MYRFL: variants seen among roughly 807,000 people sequenced by gnomAD.
MYRFL encodes myelin regulatory factor-like protein.
Under a neutral mutation model 109.4 loss-of-function variants are expected in MYRFL, and 88 were observed. That is an observed-to-expected ratio of 0.80 (90% CI 0.68 to 0.96). The LOEUF (loss-of-function observed/expected upper bound fraction) is 0.96, where lower values mean the gene tolerates loss of function less well. MYRFL is among the 40% of genes least tolerant of loss of function. The pLI, the probability that MYRFL is intolerant of heterozygous loss-of-function variation, is 0.00. For missense variants in MYRFL, 957 were observed against 954.9 expected (o/e 1.00, Z -0.03); for synonymous variants, 324 against 320.9 (o/e 1.01, Z -0.10).
chr12:69,862,453 G>A (rs966223654), intron 2 of MYRFL, among the ~76,000 whole-genome samples: 2 of 151,848 alleles, frequency 1.3e-5, no homozygotes, highest in Non-Finnish European at 2.9e-5. Flanking sequence ...TCTCCTTGAA[G>A]AGGTCCTTCA....
intron 5 of MYRFL, among the ~76,000 whole-genome samples, chr12:69,883,903 GC>G (rs1886288088): frequency 6.6e-6 from 1 of 151,908 alleles, no homozygotes; most frequent in Non-Finnish European, 1.5e-5. Context: ...GGCCAGCCCA[GC>G]ATACAAGAGT....
chr12:69,924,164 G>A (rs1192944889), intron 13 of MYRFL, among the ~76,000 whole-genome samples: 2 of 144,366 alleles, frequency 1.4e-5, no homozygotes, highest in Admixed American at 1.4e-4. Context: ...ACTCCAGCCT[G>A]GGTGACACAG....
At position 69,907,684 on chromosome 12, in the gene MYRFL, C is replaced by G. The variant is rs1005227722; in HGVS notation, c.1384-2285C>G. On this transcript the variant is annotated intron_variant, in intron 11 of 24. Coordinates refer to ENST00000552032, the MANE Select transcript of MYRFL (RefSeq NM_182530.3). ...TTCGTTCTTTTATTCCTTCTTTTTT[C>G]CATCAAAAATTTTAGGTGCCTATTA... is the stretch of plus-strand genomic sequence containing the variant. Among the ~76,000 whole-genome samples the G allele has an allele frequency of 2.0e-5, 3 of 152,198 alleles. No homozygotes were observed. In the South Asian group the frequency reaches 6.2e-4, roughly 32 times the overall value.
At chr12:69,912,549 A>G (rs1189860196) in intron 13 of MYRFL, among the ~76,000 whole-genome samples, 1 of 152,218 alleles carries the variant, frequency 6.6e-6, no homozygotes, top group East Asian at 1.9e-4. Context: ...AAGCAGAATC[A>G]TAGAGCATTT....
intron 5 of MYRFL, among the ~76,000 whole-genome samples, chr12:69,881,717 G>A (rs1322368558): frequency 6.6e-6 from 1 of 152,150 alleles, no homozygotes; most frequent in Non-Finnish European, 1.5e-5. Flanking sequence ...TCCTTTCTTT[G>A]TATATGCATC....
intron 13 of MYRFL, among the ~76,000 whole-genome samples, chr12:69,919,657 T>G (rs1954845459): frequency 1.3e-5 from 2 of 152,278 alleles, no homozygotes; most frequent in South Asian, 2.1e-4. Context: ...AATAAACTCC[T>G]GGACAAAAAT....
chr12:69,934,631 T>C (rs978697839), intron 16 of MYRFL, among the ~76,000 whole-genome samples: 104 of 152,148 alleles, frequency 6.8e-4, no homozygotes, highest in Non-Finnish European at 2.6e-4. Context: ...GAGAATTTTA[T>C]TGAGCAAAGA....
At chr12:69,853,908 G>A (rs1253565285) in intron 1 of MYRFL, among the ~76,000 whole-genome samples, 3 of 152,040 alleles carry the variant, frequency 2.0e-5, no homozygotes, top group Admixed American at 1.3e-4. Context: ...GACGATGGGC[G>A]GCCAGGCAGA....
At chr12:69,873,353 T>G (rs1042652741) in intron 2 of MYRFL, among the ~76,000 whole-genome samples, 2 of 152,092 alleles carry the variant, frequency 1.3e-5, no homozygotes, top group African/African-American at 4.8e-5. Context: ...GGGTGGCGGG[T>G]TGGACAAGCT....
In MYRFL at chr12:69,880,298, C is replaced by A. The variant is rs985640283; in HGVS notation, c.556+6C>A. 1.4e-6 allele frequency: 1 copy of A among 702,284 alleles called. No individual in the cohort carries two copies. The highest frequency in any genetic ancestry group is 2.7e-5 in the East Asian group (1 of 37,268). 43.5% of individuals were successfully genotyped at this position (702,284 alleles called of 1,614,324 possible). ...GGCCTGCCACTGCAGACCGAGTGAG[C>A]AAACCTGGGTGGGAACAAGGGCGAT... is the stretch of plus-strand genomic sequence containing the variant. On this transcript the variant is annotated splice_donor_region_variant and intron_variant, in intron 5 of 24. Coordinates refer to ENST00000552032, the MANE Select transcript of MYRFL (RefSeq NM_182530.3).
At chr12:69,872,600 A>C (rs1413629424) in intron 2 of MYRFL, among the ~76,000 whole-genome samples, 3 of 152,054 alleles carry the variant, frequency 2.0e-5, no homozygotes, top group Non-Finnish European at 4.4e-5. Context: ...TCCTGAGGTC[A>C]TACGATTCTC....
chr12:69,874,012 T>C (rs1046608368), intron 2 of MYRFL, among the ~76,000 whole-genome samples: 2 of 152,204 alleles, frequency 1.3e-5, no homozygotes, highest in Non-Finnish European at 2.9e-5. Flanking sequence ...GTTAATATTG[T>C]ACCACTTTAC....
chr12:69,861,162 G>A (rs1364718492), intron 2 of MYRFL, among the ~76,000 whole-genome samples: 2 of 151,082 alleles, frequency 1.3e-5, no homozygotes, highest in African/African-American at 4.9e-5. Flanking sequence ...GGACATTTGG[G>A]TTGGTTCCAA....
chr12:69,867,359 G>T (rs984384111), intron 2 of MYRFL, among the ~76,000 whole-genome samples: 7 of 152,208 alleles, frequency 4.6e-5, no homozygotes, highest in Non-Finnish European at 1.0e-4. Flanking sequence ...GTGCAGGGAA[G>T]GTAAGGGTCT....
intron 9 of MYRFL, among the ~76,000 whole-genome samples, chr12:69,896,162 T>C (rs1055759408): frequency 6.6e-6 from 1 of 152,202 alleles, no homozygotes; most frequent in African/African-American, 2.4e-5. Flanking sequence ...ACCTTGGGCA[T>C]ATAACTTAAC....
Position 69,955,358 on chromosome 12 carries a change from AT to A in MYRFL, c.2376-3del. ...TTTGTGGTTTTATTTTCTTTCCATAATTAGATCTGGAAATTATAATTACAAT... is the reference window on the plus strand; with the variant it reads ...TTTGTGGTTTTATTTTCTTTCCATAATAGATCTGGAAATTATAATTACAAT... On this transcript the variant is annotated splice_region_variant and splice_polypyrimidine_tract_variant and intron_variant, in intron 21 of 24. Transcript: ENST00000552032. 1.6e-6 allele frequency: 1 copy of A among 631,464 alleles called. No homozygotes were observed. Among genetic ancestry groups the A allele is most frequent in the South Asian group, 1.9e-5 (1 of 52,906 alleles). The allele number at this position is 631,464 out of a possible 1,614,324, so 39.1% of individuals were successfully genotyped here.
chr12:69,875,238 G>A (rs1326744282), intron 2 of MYRFL, among the ~76,000 whole-genome samples: 1 of 149,226 alleles, frequency 6.7e-6, no homozygotes, highest in African/African-American at 2.5e-5. Context: ...GATGTCTATT[G>A]ATGTATCTTT....
chr12:69,918,591 A>G (rs1954817850), intron 13 of MYRFL, among the ~76,000 whole-genome samples: 1 of 152,196 alleles, frequency 6.6e-6, no homozygotes, highest in Non-Finnish European at 1.5e-5. Flanking sequence ...GCAGTGCTTG[A>G]GGCTTACTGT....
At chr12:69,909,491 C>G (rs1419551732) in intron 11 of MYRFL, among the ~76,000 whole-genome samples, 2 of 152,008 alleles carry the variant, frequency 1.3e-5, no homozygotes, top group Non-Finnish European at 2.9e-5. Flanking sequence ...CTATTATGTT[C>G]CAAAAGAAAA....
Sources: gnomAD v4.1 joint callset for allele counts (sites outside exome capture counted in the v4.1 genomes callset) on GRCh38, gnomAD v4.1.1 for gene constraint, MANE v1.5 for transcripts, NCBI Gene and HGNC (gene_info 2026-07-23, HGNC 2026-07-21) for gene names.